MTUS2: variants seen among roughly 807,000 people sequenced by gnomAD.
The protein encoded by MTUS2 is microtubule-associated tumor suppressor candidate 2.
A neutral mutation model predicts 114.1 loss-of-function variants in MTUS2; 40 were observed. The ratio of observed to expected loss-of-function variants is 0.35; its 90% CI spans 0.27 to 0.46. MTUS2 has a LOEUF of 0.46. Ranked by LOEUF, MTUS2 falls within the 20% of genes least tolerant of loss-of-function variation. The pLI, the probability that MTUS2 is intolerant of heterozygous loss-of-function variation, is 1.00. For synonymous variants in MTUS2, 688 were observed against 672.0 expected, an observed-to-expected ratio of 1.02 and a Z score of -0.37; for missense variants, 1,679 against 1,705.4, an observed-to-expected ratio of 0.98 and a Z score of 0.27.
At chr13:29,158,358 C>CCCCCCCCCTTCT in intron 5 of MTUS2, among the ~76,000 whole-genome samples, 1 of 32,048 alleles carries the variant, frequency 3.1e-5, no homozygotes, top group Non-Finnish European at 5.1e-5. Flanking sequence ...GTCCACCCCG[C>CCCCCCCCCTTCT]TTTTTTTTTT....
intron 7 of MTUS2, among the ~76,000 whole-genome samples, chr13:29,333,171 T>A (rs1388779106): frequency 2.0e-5 from 3 of 152,154 alleles, no homozygotes; most frequent in Non-Finnish European, 4.4e-5. Context: ...TTTCTGTAGT[T>A]GTGCAGTTTT....
intron 9 of MTUS2, among the ~76,000 whole-genome samples, chr13:29,470,530 C>A (rs1465855349): frequency 6.6e-6 from 1 of 152,228 alleles, no homozygotes; most frequent in Non-Finnish European, 1.5e-5. Flanking sequence ...ACCACCTGGG[C>A]TCCAAACACA....
intron 4 of MTUS2, among the ~76,000 whole-genome samples, chr13:29,088,119 A>G (rs1380829696): frequency 6.6e-6 from 1 of 151,672 alleles, no homozygotes; most frequent in Non-Finnish European, 1.5e-5. Context: ...GTTTAGTCCT[A>G]TAAACTTTCC....
At chr13:29,453,252 TACAG>T (rs1377311785) in intron 9 of MTUS2, among the ~76,000 whole-genome samples, 1 of 152,224 alleles carries the variant, frequency 6.6e-6, no homozygotes, top group Non-Finnish European at 1.5e-5. Context: ...TGTTGTAAAT[TACAG>T]ACAATCACAT....
intron 8 of MTUS2, among the ~76,000 whole-genome samples, chr13:29,373,624 C>T (rs758454482): frequency 1.3e-5 from 2 of 152,152 alleles, no homozygotes; most frequent in South Asian, 4.1e-4. Flanking sequence ...TTGTGGGAGG[C>T]ACATGAGGTA....
chr13:28,828,064 T>C (rs1013643967), intron 1 of MTUS2, among the ~76,000 whole-genome samples: 1 of 152,164 alleles, frequency 6.6e-6, no homozygotes, highest in Non-Finnish European at 1.5e-5. Flanking sequence ...GGGGCTTATT[T>C]CACCGCTTAT....
At chr13:29,299,319 A>C (rs561578799) in intron 6 of MTUS2, among the ~76,000 whole-genome samples, 45 of 152,316 alleles carry the variant, frequency 3.0e-4, no homozygotes, top group African/African-American at 1.0e-3. Flanking sequence ...ACTCTCAGAC[A>C]TCCCGGGACT....
intron 5 of MTUS2, among the ~76,000 whole-genome samples, chr13:29,159,800 A>G (rs1566038962): frequency 1.3e-5 from 2 of 152,380 alleles, no homozygotes; most frequent in South Asian, 2.1e-4. Flanking sequence ...ATGTCACTGT[A>G]TATACCTATC....
intron 10 of MTUS2, chr13:29,484,952 G>C (rs926476657): frequency 6.6e-6 from 1 of 152,250 alleles, no homozygotes; most frequent in African/African-American, 2.4e-5. Context: ...GAATGGAGTC[G>C]TGTCACAGGG....
At chr13:29,358,113 T>G (rs1365590627) in intron 7 of MTUS2, among the ~76,000 whole-genome samples, 2 of 152,312 alleles carry the variant, frequency 1.3e-5, no homozygotes, top group East Asian at 3.9e-4. Flanking sequence ...CTGTGTCATG[T>G]CCTCTAGGAG....
chr13:29,293,109 A>G (rs1388205213), intron 6 of MTUS2, among the ~76,000 whole-genome samples: 1 of 152,166 alleles, frequency 6.6e-6, no homozygotes, highest in African/African-American at 2.4e-5. Context: ...TTAAATGACA[A>G]AATTACATAA....
intron 5 of MTUS2, among the ~76,000 whole-genome samples, chr13:29,212,203 G>T (rs1363822545): frequency 6.6e-6 from 1 of 151,982 alleles, no homozygotes; most frequent in Non-Finnish European, 1.5e-5. Flanking sequence ...TTGGTCCATG[G>T]TTATTTGGAA....
chr13:29,350,147 C>T (rs578199383), intron 7 of MTUS2, among the ~76,000 whole-genome samples: 141 of 152,054 alleles, frequency 9.3e-4, no homozygotes, highest in African/African-American at 3.4e-3. Context: ...CTTAAAATAA[C>T]ATTTATTTAC....
chr13:28,905,572 G>A (rs1183689410), intron 2 of MTUS2, among the ~76,000 whole-genome samples: 17 of 151,526 alleles, frequency 1.1e-4, no homozygotes, highest in Admixed American at 1.1e-3. Flanking sequence ...ATTTTCGTAT[G>A]TTGAACCAGC....
chr13:28,986,472 A>G (rs1346472605), intron 2 of MTUS2, among the ~76,000 whole-genome samples: 2 of 152,218 alleles, frequency 1.3e-5, no homozygotes, highest in Admixed American at 6.5e-5. Flanking sequence ...TGCTACCTCC[A>G]GTGTCCTGGA....
rs112746547 is a variant in MTUS2 at position 28,942,868 on chromosome 13, T to A, written c.-242-81589T>A. On this transcript the variant is annotated intron_variant, in intron 2 of 15. Transcript: ENST00000612955. ...GCCAGGGTGCTGGTAATGTGCTGTT[T>A]CCTGATTCCAGTGGTAGTTTCATTA... Among the ~76,000 whole-genome samples, 1,244 of 152,310 alleles carry A rather than the reference T, an allele frequency of 8.2e-3. 20 individuals carry two copies. The highest frequency in any genetic ancestry group is 0.027 in the African/African-American group (1,128 of 41,560).
At chr13:28,880,070 A>G (rs1458765450) in intron 2 of MTUS2, among the ~76,000 whole-genome samples, 4 of 152,200 alleles carry the variant, frequency 2.6e-5, no homozygotes, top group Non-Finnish European at 5.9e-5. Flanking sequence ...TATCTTGTCA[A>G]TTTTTGTTGA....
At chr13:29,274,672 T>A (rs1476265400) in intron 5 of MTUS2, among the ~76,000 whole-genome samples, 1 of 152,236 alleles carries the variant, frequency 6.6e-6, no homozygotes, top group African/African-American at 2.4e-5. Flanking sequence ...GGAGAAATGT[T>A]TATTCAAATC....
chr13:29,009,392 A>G (rs1161889982), intron 2 of MTUS2, among the ~76,000 whole-genome samples: 1 of 151,832 alleles, frequency 6.6e-6, no homozygotes, highest in African/African-American at 2.4e-5. Context: ...ACTTTTATTA[A>G]TGATATATCA....
Sources: allele counts gnomAD v4.1 joint callset (sites outside exome capture counted in the v4.1 genomes callset), GRCh38; gene constraint gnomAD v4.1.1; transcripts MANE v1.5; gene names NCBI Gene and HGNC (gene_info 2026-07-23, HGNC 2026-07-21).